Variants in ELSPBP1 observed in about 807,000 individuals in gnomAD.
The protein encoded by ELSPBP1 is epididymal sperm binding protein 1.
Under a neutral mutation model 33.3 loss-of-function variants are expected in ELSPBP1, and 38 were observed. The observed-to-expected ratio is 1.14, with a 90% CI of 0.88 to 1.50. The LOEUF is 1.50. Among genes scored for constraint, ELSPBP1 ranks in the 40% most tolerant of loss-of-function variants. The pLI, the probability that ELSPBP1 is intolerant of heterozygous loss-of-function variation, is 0.00. For synonymous variants in ELSPBP1, 85 were observed against 94.1 expected, an observed-to-expected ratio of 0.90 and a Z score of 0.56; for missense variants, 267 against 263.5, an observed-to-expected ratio of 1.01 and a Z score of -0.09.
At chr19:48,006,984 G>T (rs1383913484) in intron 1 of ELSPBP1, among the ~76,000 whole-genome samples, 1 of 152,162 alleles carries the variant, frequency 6.6e-6, no homozygotes, top group Non-Finnish European at 1.5e-5. Flanking sequence ...ATACTCAGTG[G>T]TGCCACCTAC....
At chr19:48,021,980 C>G (rs1967205273) in intron 5 of ELSPBP1, among the ~76,000 whole-genome samples, 190 bp from the exon 6 acceptor site, 3 of 152,132 alleles carry the variant, frequency 2.0e-5, no homozygotes, top group Admixed American at 2.0e-4. Context: ...CTCCTGGCTT[C>G]ACATGATCCT....
At chr19:48,018,176 T>A (rs1034760175) in intron 4 of ELSPBP1, among the ~76,000 whole-genome samples, 1 of 152,150 alleles carries the variant, frequency 6.6e-6, no homozygotes, top group African/African-American at 2.4e-5. Context: ...TGCTACTGTC[T>A]CCATGAACAT....
chr19:48,019,581 G>A (rs1489338805), intron 4 of ELSPBP1, 138 bp from the exon 5 acceptor site: 4 of 721,184 alleles, frequency 5.5e-6, no homozygotes, highest in African/African-American at 3.5e-5. Flanking sequence ...GGATAATAAC[G>A]TCATCCGGAA....
At chr19:48,009,221 A>C (rs1366126746) in intron 2 of ELSPBP1, among the ~76,000 whole-genome samples, 3 of 152,214 alleles carry the variant, frequency 2.0e-5, no homozygotes, top group Admixed American at 2.0e-4. Context: ...TGGTCAAGCA[A>C]CATAAGCTCT....
At chr19:47,995,182 G>GC (rs1465197757) in intron 1 of ELSPBP1, among the ~76,000 whole-genome samples, 2 of 152,208 alleles carry the variant, frequency 1.3e-5, no homozygotes. Context: ...ACCAGAAGTA[G>GC]CTGGTGGCTG....
chr19:48,020,479 G>T (rs1197815743), intron 5 of ELSPBP1, among the ~76,000 whole-genome samples: 11 of 152,186 alleles, frequency 7.2e-5, no homozygotes, highest in Non-Finnish European at 1.5e-5. Flanking sequence ...CATGTGTGTT[G>T]GGAGACTCAG....
chr19:48,007,033 T>A (rs559099877), intron 1 of ELSPBP1, among the ~76,000 whole-genome samples: 5 of 152,278 alleles, frequency 3.3e-5, no homozygotes, highest in African/African-American at 1.2e-4. Flanking sequence ...GGGATTTTGA[T>A]TCCTGGCGGT....
intron 6 of ELSPBP1, 137 bp downstream of exon 6, chr19:48,022,471 T>C (rs1261279982): frequency 2.8e-6 from 2 of 712,400 alleles, no homozygotes; most frequent in African/African-American, 3.6e-5. Context: ...GAAGGCGAGA[T>C]CTGTTGCTTT....
intron 6 of ELSPBP1, 127 bp from the exon 7 acceptor site, chr19:48,024,825 T>G (rs1967253430): frequency 6.6e-6 from 1 of 152,320 alleles, no homozygotes; most frequent in Admixed American, 6.5e-5. Context: ...GGGCGTCTGA[T>G]TCCTCTCAGC....
intron 2 of ELSPBP1, among the ~76,000 whole-genome samples, chr19:48,013,233 A>G (rs1417023319): frequency 6.6e-6 from 1 of 152,192 alleles, no homozygotes; most frequent in Non-Finnish European, 1.5e-5. Context: ...TTATGCTCTG[A>G]GAAACAGTGG....
rs1258881695 is a variant in ELSPBP1 at position 48,019,841 on chromosome 19, G to C, written c.478G>C (p.Asp160His). Reference protein sequence around the residue: ...KLWCPTTENMDKDGKWSFCAD... With the variant: ...KLWCPTTENMHKDGKWSFCAD... ...CTGGTGCCCAACCACAGAGAACATG[G>C]ATAAGGATGGAAAGTGGAGTTTCTG... The change falls in exon 5 of 7, where the codon GAT (aspartate) becomes CAT (histidine). Residue 160 changes from aspartate to histidine, a missense_variant. Physicochemically the swap from Asp to His is moderately conservative, Grantham distance 81 (BLOSUM62 -1). Coordinates refer to ENST00000339841, the MANE Select transcript of ELSPBP1 (RefSeq NM_022142.5). The C allele has an allele frequency of 1.3e-6, 2 of 1,571,156 alleles. No individual in the cohort carries two copies. The highest frequency in any genetic ancestry group is 1.4e-5 in the African/African-American group (1 of 73,652).
intron 1 of ELSPBP1, among the ~76,000 whole-genome samples, chr19:47,998,370 C>T (rs1483078559): frequency 6.6e-6 from 1 of 151,486 alleles, no homozygotes; most frequent in Admixed American, 6.6e-5. Flanking sequence ...TAGATCGTGC[C>T]ACTACACTCT....
chr19:48,003,797 C>T (rs1457575757), intron 1 of ELSPBP1, among the ~76,000 whole-genome samples: 2 of 151,438 alleles, frequency 1.3e-5, no homozygotes, highest in Non-Finnish European at 2.9e-5. Context: ...CTGCCCACCT[C>T]ATCCTCCCAA....
At chr19:47,997,767 T>C (rs993685828) in intron 1 of ELSPBP1, among the ~76,000 whole-genome samples, 1 of 152,204 alleles carries the variant, frequency 6.6e-6, no homozygotes, top group African/African-American at 2.4e-5. Flanking sequence ...ATTTAGGATA[T>C]CCATTACTTT....
At chr19:48,023,921 A>T (rs972100588) in intron 6 of ELSPBP1, among the ~76,000 whole-genome samples, 9 of 148,800 alleles carry the variant, frequency 6.0e-5, no homozygotes, top group Non-Finnish European at 1.0e-4. Flanking sequence ...CCCAGGCTGG[A>T]GTGCAGTGGT....
At chr19:48,001,285 C>T (rs944207203) in intron 1 of ELSPBP1, among the ~76,000 whole-genome samples, 2 of 151,974 alleles carry the variant, frequency 1.3e-5, no homozygotes, top group African/African-American at 2.4e-5. Context: ...ATTCTCCTGC[C>T]TCAGCCTCCT....
At chr19:48,014,518 CT>C (rs146004736) in intron 3 of ELSPBP1, among the ~76,000 whole-genome samples, 20,449 of 110,104 alleles carry the variant, frequency 0.19, 1,696 homozygotes, top group Middle Eastern at 0.39. Flanking sequence ...ACACCGGGGA[CT>C]GTTGTGGGGT....
chr19:48,019,675 C>A, intron 4 of ELSPBP1, 44 bp from the exon 5 acceptor site: 1 of 1,575,754 alleles, frequency 6.3e-7, no homozygotes, highest in Non-Finnish European at 8.6e-7. Context: ...AAGCTCTTTT[C>A]ATCTCCTCTT....
At chr19:48,013,825 G>A (rs1045854700) in intron 2 of ELSPBP1, among the ~76,000 whole-genome samples, 2 of 152,020 alleles carry the variant, frequency 1.3e-5, no homozygotes, top group Admixed American at 6.5e-5. Flanking sequence ...GAAGTCCAAG[G>A]GCAAGTCACC....
Sources: allele counts gnomAD v4.1 joint callset (sites outside exome capture counted in the v4.1 genomes callset), GRCh38; gene constraint gnomAD v4.1.1; transcripts MANE v1.5; gene names NCBI Gene and HGNC (gene_info 2026-07-23, HGNC 2026-07-21).